Variants in TUBGCP3 observed in about 807,000 individuals in gnomAD.
TUBGCP3 encodes gamma-tubulin complex component 3.
In TUBGCP3, 50 loss-of-function variants were observed where a neutral mutation model predicts 123.1. The observed-to-expected ratio is 0.41, with a 90% confidence interval of 0.32 to 0.51. TUBGCP3 has a LOEUF of 0.51. Ranked by LOEUF, TUBGCP3 falls within the 20% of genes least tolerant of loss-of-function variation. The pLI is 0.36. For missense variants in TUBGCP3, 882 were observed against 1,127.0 expected (o/e 0.78, Z 3.11); for synonymous variants, 405 against 413.9 (o/e 0.98, Z 0.26).
rs1053698942 is a variant in TUBGCP3, at chr13:112,512,485, G to A, written c.2086+3955C>T. 7.1e-4 allele frequency among the ~76,000 whole-genome samples: 102 copies of A among 143,556 alleles called. 1 individual carries two copies. The highest frequency in any genetic ancestry group is 2.1e-3 in the Admixed American group (30 of 14,484). 94.2% of individuals were successfully genotyped at this position (143,556 alleles called of 152,430 possible). ...ACAGTGGCTCACGCCTGTAATCCCA[G>A]CACTGGGGGAGGCCAAGGTGGGCAG... On this transcript the variant is annotated intron_variant, in intron 17 of 21. Transcript: ENST00000261965.
chr13:112,521,683 C>T, intron 14 of TUBGCP3: 1 of 985,410 alleles, frequency 1.0e-6, no homozygotes, highest in Non-Finnish European at 1.2e-6. Context: ...CTAAAAGGAA[C>T]ACCAGAAAAG....
the TUBGCP3 span, chr13:112,604,198 T>C: frequency 1.3e-5 from 2 of 152,270 alleles, no homozygotes; most frequent in Admixed American, 6.5e-5. Flanking sequence ...TCTTGTATTA[T>C]GGCTTTTTGT....
At position 112,572,857 on chromosome 13, in the gene TUBGCP3, A is replaced by G. The variant is rs911708338; in HGVS notation, c.77-3598T>C. 9.9e-5 allele frequency among the ~76,000 whole-genome samples: 15 copies of G among 152,252 alleles called. No homozygotes were observed. The South Asian group carries it at 1.0e-3, about 11-fold the overall frequency. On this transcript the variant is annotated intron_variant, in intron 1 of 21. Transcript: ENST00000261965. ...ATACAAAGTGAGCACATGCTGTTGG[A>G]AAAATGGTACCTAAAGACTTGCCCA...
At chr13:112,503,433 G>A (rs936397482) in intron 19 of TUBGCP3, among the ~76,000 whole-genome samples, 1 of 152,142 alleles carries the variant, frequency 6.6e-6, no homozygotes, top group Non-Finnish European at 1.5e-5. Flanking sequence ...GCAGTGGCGT[G>A]ATCTCGGCTC....
At chr13:112,531,018 G>T (rs893548028) in intron 11 of TUBGCP3, among the ~76,000 whole-genome samples, 2 of 152,150 alleles carry the variant, frequency 1.3e-5, no homozygotes, top group African/African-American at 2.4e-5. Context: ...GTAAATTGTT[G>T]TTTTTTAAAT....
intron 20 of TUBGCP3, among the ~76,000 whole-genome samples, chr13:112,494,812 G>C (rs2139199717): frequency 6.6e-6 from 1 of 152,296 alleles, no homozygotes; most frequent in Non-Finnish European, 1.5e-5. Flanking sequence ...GCATTTCTTT[G>C]ATAACCCATG....
At chr13:112,573,540 C>G (rs1881579495) in intron 1 of TUBGCP3, among the ~76,000 whole-genome samples, 1 of 152,130 alleles carries the variant, frequency 6.6e-6, no homozygotes, top group Admixed American at 6.5e-5. Context: ...AATCCAGGCT[C>G]TCATCTCTGC....
At chr13:112,564,909 T>C (rs931501935) in intron 3 of TUBGCP3, among the ~76,000 whole-genome samples, 1 of 152,234 alleles carries the variant, frequency 6.6e-6, no homozygotes, top group Non-Finnish European at 1.5e-5. Context: ...CATTCATCTT[T>C]ATAAGCAATT....
At chr13:112,578,065 G>A (rs1881970273) in intron 1 of TUBGCP3, among the ~76,000 whole-genome samples, 1 of 152,130 alleles carries the variant, frequency 6.6e-6, no homozygotes, top group Non-Finnish European at 1.5e-5. Flanking sequence ...GGGGTCCAGG[G>A]TCTAAAATCC....
At chr13:112,578,650 G>A (rs569353546) in intron 1 of TUBGCP3, among the ~76,000 whole-genome samples, 1 of 148,086 alleles carries the variant, frequency 6.8e-6, no homozygotes, top group African/African-American at 2.5e-5. Context: ...TGTAAATCAT[G>A]TGCTTAATGC....
intron 16 of TUBGCP3, among the ~76,000 whole-genome samples, chr13:112,518,439 TA>T (rs920265164): frequency 6.6e-6 from 1 of 152,236 alleles, no homozygotes. Context: ...CTGAATACTT[TA>T]AAAATGCGCA....
At chr13:112,541,371 G>A (rs555781124) in intron 11 of TUBGCP3, among the ~76,000 whole-genome samples, 221 of 152,124 alleles carry the variant, frequency 1.5e-3, no homozygotes, top group Non-Finnish European at 2.3e-3. Flanking sequence ...GTGAAATCCC[G>A]CCTCTACTAA....
At chr13:112,515,078 A>G (rs1269660057) in intron 17 of TUBGCP3, among the ~76,000 whole-genome samples, 1 of 152,230 alleles carries the variant, frequency 6.6e-6, no homozygotes, top group Non-Finnish European at 1.5e-5. Flanking sequence ...GCATTTTCCC[A>G]TACATAGAAA....
chr13:112,560,429 CAA>C (rs771690825), intron 3 of TUBGCP3, among the ~76,000 whole-genome samples: 7 of 97,582 alleles, frequency 7.2e-5, no homozygotes, highest in Non-Finnish European at 8.6e-5. Context: ...GACTCCGTCT[CAA>C]AAAAAAAAAA....
intron 11 of TUBGCP3, among the ~76,000 whole-genome samples, chr13:112,535,790 T>C (rs1877994392): frequency 1.3e-5 from 2 of 152,234 alleles, no homozygotes; most frequent in African/African-American, 2.4e-5. Context: ...AAGCCTGATA[T>C]ACTTGTTCTC....
At chr13:112,487,079 GTGTC>G (rs1170917552) in intron 21 of TUBGCP3, among the ~76,000 whole-genome samples, 3 of 148,024 alleles carry the variant, frequency 2.0e-5, no homozygotes, top group Admixed American at 6.7e-5. Context: ...GTGTGTGTGT[GTGTC>G]TGTGTGTGTG....
chr13:112,489,497 T>C, intron 21 of TUBGCP3, 84 bp downstream of exon 21: 1 of 951,990 alleles, frequency 1.1e-6, no homozygotes, highest in Non-Finnish European at 1.7e-6. Flanking sequence ...GGGCTGACTC[T>C]GCTCTCATCA....
chr13:112,525,180 C>T (rs935233203), intron 13 of TUBGCP3, among the ~76,000 whole-genome samples: 3 of 152,166 alleles, frequency 2.0e-5, no homozygotes, highest in Admixed American at 1.3e-4. Context: ...ATTTTCACTA[C>T]AATCTTTAGA....
chr13:112,593,387 C>G, the TUBGCP3 span, among the ~76,000 whole-genome samples: 2 of 152,128 alleles, frequency 1.3e-5, no homozygotes, highest in African/African-American at 4.8e-5. Context: ...CACTGCTCTC[C>G]AGCCTGGGGG....
Sources: gnomAD v4.1 joint callset for allele counts (sites outside exome capture counted in the v4.1 genomes callset) on GRCh38, gnomAD v4.1.1 for gene constraint, MANE v1.5 for transcripts, NCBI Gene and HGNC (gene_info 2026-07-23, HGNC 2026-07-21) for gene names.